The following TENM2 variants were observed in gnomAD, a reference collection of about 807,000 sequenced individuals.
The protein encoded by TENM2 is teneurin transmembrane protein 2, also known as teneurin-2.
TENM2 carries 52 observed loss-of-function variants against 245.2 expected under a neutral mutation model. That is an observed-to-expected ratio of 0.21 (90% CI 0.17 to 0.27). The LOEUF is 0.27. Among genes scored for constraint, TENM2 ranks in the 10% least tolerant of loss-of-function variants. The pLI is 1.00. For missense variants in TENM2, 3,046 were observed against 3,666.8 expected (o/e 0.83, Z 4.37); for synonymous variants, 1,363 against 1,438.9 (o/e 0.95, Z 1.19).
chr5:167,459,457 A>G (rs1045215597), intron 2 of TENM2, among the ~76,000 whole-genome samples: 1 of 152,166 alleles, frequency 6.6e-6, no homozygotes, highest in African/African-American at 2.4e-5. Context: ...TGCTATGTAC[A>G]TGGTTGTATA....
At chr5:167,427,124 G>C (rs553628063) in intron 2 of TENM2, among the ~76,000 whole-genome samples, 1 of 151,794 alleles carries the variant, frequency 6.6e-6, no homozygotes, top group Non-Finnish European at 1.5e-5. Flanking sequence ...GAGGGAGAAA[G>C]AAAGAGAAAG....
intron 13 of TENM2, among the ~76,000 whole-genome samples, chr5:168,177,314 A>G (rs1759450583): frequency 6.6e-6 from 1 of 152,224 alleles, no homozygotes; most frequent in South Asian, 2.1e-4. Context: ...GTCCTTCTGC[A>G]TACAGTTTAT....
chr5:167,207,480 A>C, the TENM2 span, among the ~76,000 whole-genome samples: 95 of 152,286 alleles, frequency 6.2e-4, 2 homozygotes, highest in Non-Finnish European at 1.0e-4. Flanking sequence ...CAAGGAATTC[A>C]TTTTTTTAAA....
At chr5:167,179,057 A>C in the TENM2 span, among the ~76,000 whole-genome samples, 1 of 152,278 alleles carries the variant, frequency 6.6e-6, no homozygotes, top group African/African-American at 2.4e-5. Context: ...ACCCCCAAAT[A>C]TTGATGATTT....
chr5:167,840,771 G>A (rs541625281), intron 2 of TENM2, among the ~76,000 whole-genome samples: 10 of 152,266 alleles, frequency 6.6e-5, no homozygotes, highest in African/African-American at 9.6e-5. Flanking sequence ...GATACTCAGC[G>A]TGGCAGTAAA....
chr5:167,743,705 A>G (rs73801366), intron 2 of TENM2, among the ~76,000 whole-genome samples: 5,636 of 152,262 alleles, frequency 0.037, 313 homozygotes, highest in East Asian at 0.22. Flanking sequence ...ACAAGACAAA[A>G]GAGTAATAAA....
chr5:167,263,802 T>C, the TENM2 span, among the ~76,000 whole-genome samples: 2 of 152,068 alleles, frequency 1.3e-5, no homozygotes, highest in East Asian at 1.9e-4. Context: ...AAAGAATTCC[T>C]GGCCAGGCAC....
Position 167,478,301 on chromosome 5 carries a change from G to C in TENM2, c.502+102828G>C, listed in dbSNP as rs577402491. On this transcript the variant is annotated intron_variant, in intron 2 of 28. Coordinates refer to ENST00000518659, the Ensembl canonical transcript of TENM2. ...CTTTTACATAGAAGAGTACAGCTGT[G>C]GTTTAACTCATTGTGATAAAACTGC... is the stretch of plus-strand genomic sequence containing the variant. Among the ~76,000 whole-genome samples the C allele has an allele frequency of 9.2e-5, 14 of 152,200 alleles. No individual in the cohort carries two copies. In the South Asian group the frequency reaches 2.7e-3, roughly 29 times the overall value.
intron 6 of TENM2, among the ~76,000 whole-genome samples, chr5:168,048,197 G>A (rs1240452830): frequency 6.8e-6 from 1 of 147,230 alleles, no homozygotes; most frequent in Non-Finnish European, 1.5e-5. Flanking sequence ...CTAACAAGGT[G>A]CTAAGAAGGA....
chr5:167,518,926 G>C (rs1770576535), intron 2 of TENM2, among the ~76,000 whole-genome samples: 1 of 152,096 alleles, frequency 6.6e-6, no homozygotes, highest in Non-Finnish European at 1.5e-5. Context: ...ACTGTGTTTA[G>C]ATTCAGTCTT....
At chr5:167,267,716 A>T in the TENM2 span, among the ~76,000 whole-genome samples, 4 of 152,202 alleles carry the variant, frequency 2.6e-5, no homozygotes, top group Admixed American at 1.3e-4. Flanking sequence ...GGTGAATGGC[A>T]GTGCTAATGG....
At chr5:167,859,311 C>A (rs1390767618) in intron 2 of TENM2, among the ~76,000 whole-genome samples, 2 of 140,934 alleles carry the variant, frequency 1.4e-5, no homozygotes, top group Non-Finnish European at 3.2e-5. Context: ...CCTCTCCGCC[C>A]GGCAGCCACC....
intron 4 of TENM2, among the ~76,000 whole-genome samples, chr5:167,954,859 G>A (rs1209195633): frequency 6.6e-6 from 1 of 152,148 alleles, no homozygotes; most frequent in Non-Finnish European, 1.5e-5. Flanking sequence ...TCTTTATCCA[G>A]TCTATCATGG....
chr5:167,358,029 G>A (rs1468684485), intron 1 of TENM2, among the ~76,000 whole-genome samples: 3 of 152,202 alleles, frequency 2.0e-5, no homozygotes, highest in Non-Finnish European at 2.9e-5. Flanking sequence ...ATTAGAGGTT[G>A]CTCCAGGAAT....
intron 4 of TENM2, among the ~76,000 whole-genome samples, chr5:167,961,446 C>G (rs776569344): frequency 6.6e-6 from 1 of 151,952 alleles, no homozygotes; most frequent in East Asian, 1.9e-4. Context: ...CCTATTTTTA[C>G]GTTAACAGAC....
chr5:167,998,982 G>A (rs1784247801), intron 5 of TENM2, among the ~76,000 whole-genome samples: 1 of 152,160 alleles, frequency 6.6e-6, no homozygotes, highest in East Asian at 1.9e-4. Flanking sequence ...GATGAATCTT[G>A]CGTTCTCTGC....
At chr5:167,283,167 C>T (rs1410633253), upstream of TENM2, among the ~76,000 whole-genome samples, 1 of 152,030 alleles carries the variant, frequency 6.6e-6, no homozygotes, top group East Asian at 1.9e-4. Flanking sequence ...CCTCAGCCTC[C>T]CAAGTAGCTG....
chr5:168,123,749 C>A (rs1795649023), intron 10 of TENM2, among the ~76,000 whole-genome samples: 1 of 152,212 alleles, frequency 6.6e-6, no homozygotes, highest in Non-Finnish European at 1.5e-5. Context: ...GTCTGATCCA[C>A]AAAGCCATAT....
intron 2 of TENM2, among the ~76,000 whole-genome samples, chr5:167,862,965 A>T (rs1024970): frequency 1.3e-5 from 2 of 152,106 alleles, no homozygotes; most frequent in Non-Finnish European, 2.9e-5. Context: ...GCCCTACCCT[A>T]GTTAAAATTA....
Sources: allele counts gnomAD v4.1 joint callset (sites outside exome capture counted in the v4.1 genomes callset), GRCh38; gene constraint gnomAD v4.1.1; transcripts MANE v1.5; gene names NCBI Gene and HGNC (gene_info 2026-07-23, HGNC 2026-07-21).